Variants in USP24 observed in about 807,000 individuals in gnomAD.
USP24 encodes ubiquitin carboxyl-terminal hydrolase 24.
Under a neutral mutation model 361.6 loss-of-function variants are expected in USP24, and 97 were observed. The observed-to-expected ratio is 0.27, with a 90% CI of 0.23 to 0.32. The LOEUF (loss-of-function observed/expected upper bound fraction) is 0.32, where lower values mean the gene tolerates loss of function less well. Ranked by LOEUF, USP24 falls within the 10% of genes least tolerant of loss-of-function variation. USP24 has a pLI of 1.00. For synonymous variants in USP24, 1,098 were observed against 1,124.6 expected, an observed-to-expected ratio of 0.98 and a Z score of 0.47; for missense variants, 2,353 against 3,165.6, an observed-to-expected ratio of 0.74 and a Z score of 6.16.
At chr1:55,072,115 T>C (rs922246966) in intron 66 of USP24, among the ~76,000 whole-genome samples, 191 bp from the exon 67 acceptor site, 2 of 152,116 alleles carry the variant, frequency 1.3e-5, no homozygotes, top group African/African-American at 4.8e-5. Flanking sequence ...CCTGTATGAC[T>C]TTCCTTCTAG....
At position 55,068,816 on chromosome 1, in the gene USP24, C is replaced by T. The variant is rs1226618887; in HGVS notation, c.*229G>A. On this transcript the variant is annotated 3_prime_UTR_variant, in exon 68 of 68. Coordinates refer to ENST00000294383, the MANE Select transcript of USP24 (RefSeq NM_015306.3). ...AATGTGAATCCACATATAGACCACG[C>T]TCCCGGGACAGCTGATCCACATGCC... 5.4e-6 allele frequency: 3 copies of T among 559,468 alleles called. No homozygotes were observed. The highest frequency in any genetic ancestry group is 9.5e-6 in the Non-Finnish European group (3 of 317,336). The allele number at this position is 559,468 out of a possible 1,614,324, so 34.7% of individuals were successfully genotyped here. A position where few individuals can be genotyped will look rare whatever the true frequency, so the allele number is the denominator to read the frequency against.
chr1:55,154,440 TACTC>T lies in USP24; in HGVS notation c.1577_1580del (p.Arg526LysfsTer6). ...CAATCAGGCTCAAAAGCTTCTGTCT[TACTC>T]TATCACTCTCAGTCTCCCAGCTCTG... On this transcript the variant is annotated frameshift_variant, in exon 14 of 68. Coordinates refer to ENST00000294383, the MANE Select transcript of USP24 (RefSeq NM_015306.3). LOFTEE classifies it high-confidence loss of function. 1 of 1,551,454 alleles carries T rather than the reference TACTC, an allele frequency of 6.4e-7. No homozygotes were observed. The highest frequency in any genetic ancestry group is 8.7e-7 in the Non-Finnish European group (1 of 1,146,830).
intron 11 of USP24, 78 bp downstream of exon 11, chr1:55,157,178 A>G: frequency 7.3e-7 from 1 of 1,366,208 alleles, no homozygotes; most frequent in South Asian, 1.3e-5. Context: ...CAAAGCAACA[A>G]TTTTGTATAC....
intron 17 of USP24, among the ~76,000 whole-genome samples, chr1:55,148,228 C>T (rs1470942376): frequency 6.9e-6 from 1 of 144,504 alleles, no homozygotes; most frequent in African/African-American, 2.6e-5. Flanking sequence ...ACTGGCTTAA[C>T]TATTTGAAAA....
At chr1:55,079,793 T>TGAGTACTCTCACAGAGTACTCACATA in intron 59 of USP24, 134 bp from the exon 60 acceptor site, 1 of 1,051,220 alleles carries the variant, frequency 9.5e-7, no homozygotes, top group Non-Finnish European at 1.3e-6. Context: ...ACTCACACAC[T>TGAGTACTCTCACAGAGTACTCACATA]GAGTACTCAC....
intron 7 of USP24, among the ~76,000 whole-genome samples, chr1:55,164,033 C>T (rs1303565990): frequency 2.0e-5 from 3 of 152,034 alleles, no homozygotes; most frequent in African/African-American, 7.2e-5. Context: ...ATAAGGAACA[C>T]TCTCTATAAT....
At chr1:55,158,195 G>A (rs557773198) in intron 10 of USP24, among the ~76,000 whole-genome samples, 1 of 152,330 alleles carries the variant, frequency 6.6e-6, no homozygotes, top group South Asian at 2.1e-4. Context: ...AATTCTAGTT[G>A]TTCTGTTGCC....
At chr1:55,124,934 A>G (rs1350981486) in intron 34 of USP24, among the ~76,000 whole-genome samples, 2 of 152,086 alleles carry the variant, frequency 1.3e-5, no homozygotes, top group African/African-American at 4.8e-5. Flanking sequence ...TAGTTTGCAC[A>G]TGTGCTCCCT....
At chr1:55,202,707 T>C (rs1275701175) in intron 1 of USP24, among the ~76,000 whole-genome samples, 1 of 152,080 alleles carries the variant, frequency 6.6e-6, no homozygotes, top group Non-Finnish European at 1.5e-5. Flanking sequence ...ATCCGGCCTG[T>C]ATACTGACTC....
In USP24 at chr1:55,178,135, G is replaced by A. The variant is rs1431876488; in HGVS notation, c.325-3C>T. ...CAGTTTCCATTCTCATCATTCTTCTGACGAAAAGGGATTAAGATAAAAAGC... is the reference window on the plus strand; with the variant it reads ...CAGTTTCCATTCTCATCATTCTTCTAACGAAAAGGGATTAAGATAAAAAGC... On this transcript the variant is annotated splice_region_variant and splice_polypyrimidine_tract_variant and intron_variant, in intron 1 of 67. Transcript: ENST00000294383. 1 of 1,537,422 alleles carries A rather than the reference G, an allele frequency of 6.5e-7. No individual in the cohort carries two copies. Among genetic ancestry groups the A allele is most frequent in the East Asian group, 2.5e-5 (1 of 40,266 alleles).
At chr1:55,182,198 T>A (rs1163178770) in intron 1 of USP24, among the ~76,000 whole-genome samples, 1 of 152,096 alleles carries the variant, frequency 6.6e-6, no homozygotes, top group African/African-American at 2.4e-5. Context: ...ACTATAGGCA[T>A]GTGCCACCAC....
In USP24 at chr1:55,071,897, A is replaced by G. The variant is rs558706873; in HGVS notation, c.7717T>C (p.Leu2573=). The G allele has an allele frequency of 1.2e-6, 2 of 1,612,492 alleles. No individual in the cohort carries two copies. The highest frequency in any genetic ancestry group is 2.2e-5 in the East Asian group (1 of 44,864). Reference sequence around the variant, plus strand: ...CTTCCTGATTGCTCTTTTTCATTCAACAAAGCTGTGGCATACGCTAACGTG... The same window carrying G: ...CTTCCTGATTGCTCTTTTTCATTCAGCAAAGCTGTGGCATACGCTAACGTG... ...QDTLAYATAL[L]NEKEQSGSSN... Residue 2573 remains leucine, a synonymous_variant, in exon 67 of 68, where the codon TTG becomes CTG. Transcript: ENST00000294383.
intron 7 of USP24, among the ~76,000 whole-genome samples, chr1:55,163,242 T>G (rs891837483): frequency 5.9e-5 from 9 of 151,898 alleles, no homozygotes; most frequent in Non-Finnish European, 1.3e-4. Context: ...TCTAAGCAAG[T>G]TAGAAAACTT....
chr1:55,110,105 T>A, intron 39 of USP24, 80 bp downstream of exon 39: 3 of 1,202,752 alleles, frequency 2.5e-6, no homozygotes, highest in Non-Finnish European at 3.5e-6. Flanking sequence ...GATATGTAAA[T>A]CATATTTAGA....
At chr1:55,073,763 T>C in intron 64 of USP24, 65 bp downstream of exon 64, 1 of 1,437,092 alleles carries the variant, frequency 7.0e-7, no homozygotes, top group Non-Finnish European at 9.6e-7. Context: ...CATGTTCCCC[T>C]TCTGCTCATA....
intron 18 of USP24, 62 bp downstream of exon 18, chr1:55,147,587 A>T (rs776943172): frequency 2.2e-4 from 325 of 1,450,114 alleles, no homozygotes; most frequent in Non-Finnish European, 2.7e-4. Context: ...TTTTTATAGT[A>T]TAAGTATAAA....
chr1:55,117,535 T>C (rs1646150701), intron 38 of USP24, among the ~76,000 whole-genome samples: 1 of 151,452 alleles, frequency 6.6e-6, no homozygotes, highest in Non-Finnish European at 1.5e-5. Context: ...GAGACCATCC[T>C]GGCTAACAAG....
chr1:55,078,509 G>A (rs1457537439), intron 61 of USP24, 29 bp downstream of exon 61: 1 of 1,563,046 alleles, frequency 6.4e-7, no homozygotes, highest in Admixed American at 1.8e-5. Context: ...AAGGCTATCT[G>A]GCTATCACTC....
In USP24 at chr1:55,146,047, G is replaced by A. The variant is rs760375962; in HGVS notation, c.2313C>T (p.Leu771=). 1.1e-5 allele frequency: 17 copies of A among 1,612,916 alleles called. No homozygotes were observed. In the South Asian group the frequency reaches 1.8e-4, roughly 17 times the overall value. The change falls in exon 20 of 68, where the codon CTC becomes CTT. Residue 771 remains leucine (L), a synonymous_variant. Transcript: ENST00000294383. ...CCAATTTAAGAATTTTCTCCTTGAAGAGCTGCTGCTGAACATCACTCTCAA... is the reference window on the plus strand; with the variant it reads ...CCAATTTAAGAATTTTCTCCTTGAAAAGCTGCTGCTGAACATCACTCTCAA... ...HDLESDVQQQ[L]FKEKILKLES...
Sources: gnomAD v4.1 joint callset for allele counts (sites outside exome capture counted in the v4.1 genomes callset) on GRCh38, gnomAD v4.1.1 for gene constraint, MANE v1.5 for transcripts, NCBI Gene and HGNC (gene_info 2026-07-23, HGNC 2026-07-21) for gene names.